Variants in LMTK3 observed in about 807,000 individuals in gnomAD.
The protein encoded by LMTK3 is lemur tail kinase 3.
Under a neutral mutation model 116.7 loss-of-function variants are expected in LMTK3, and 27 were observed. That is an observed-to-expected ratio of 0.23 (90% CI 0.17 to 0.32). The LOEUF (loss-of-function observed/expected upper bound fraction) is 0.32, where lower values mean the gene tolerates loss of function less well. Ranked by LOEUF, LMTK3 falls within the 10% of genes least tolerant of loss-of-function variation. LMTK3 has a pLI of 1.00. For missense variants in LMTK3, 1,764 were observed against 2,068.5 expected (o/e 0.85, Z 2.86); for synonymous variants, 965 against 971.0 (o/e 0.99, Z 0.11).
In LMTK3 at chr19:48,494,119, G is replaced by T. The variant is rs1368648636; in HGVS notation, c.3677-10C>A. The T allele has an allele frequency of 1.7e-6, 2 of 1,195,126 alleles. No homozygotes were observed. The highest frequency in any genetic ancestry group is 4.2e-5 in the South Asian group (1 of 23,968). 74.0% of individuals were successfully genotyped at this position (1,195,126 alleles called of 1,614,324 possible). On this transcript the variant is annotated splice_polypyrimidine_tract_variant and intron_variant, in intron 11 of 14. Coordinates refer to ENST00000600059, the MANE Select transcript of LMTK3 (RefSeq NM_001388485.1). The surrounding 1 kb of genome is among the most constrained non-coding windows in gnomAD (Gnocchi z 4.0). ...AGCCGGGAGAGCCTGGCTGCGAGGG[G>T]AGAGACCTGGTGAGCCCCTGTCCCG...
In LMTK3 at chr19:48,498,002, G is replaced by A. The variant is rs1490952630; in HGVS notation, c.3067C>T (p.Pro1023Ser). The change falls in exon 11 of 15, where the codon CCT becomes TCT. Residue 1023 changes from proline to serine, a missense_variant. Pro to Ser is a moderately conservative substitution (Grantham distance 74, BLOSUM62 -1). Coordinates refer to ENST00000600059, the MANE Select transcript of LMTK3 (RefSeq NM_001388485.1). ...TCCCAGGGCCCTGGGGCTCTCCAAG[G>A]CCCAGTCTCTGGTGGCCTCTCCGTG... The part of the protein sequence containing the change: ...RNTERPPETG[P>S]WRAPGPWEKT... 6 of 1,611,500 alleles carry A rather than the reference G, an allele frequency of 3.7e-6. No homozygotes were observed. Among genetic ancestry groups the A allele is most frequent in the African/African-American group, 1.3e-5 (1 of 74,808 alleles).
intron 4 of LMTK3, 96 bp downstream of exon 4, chr19:48,509,341 G>T: frequency 8.6e-7 from 1 of 1,159,232 alleles, no homozygotes; most frequent in Non-Finnish European, 1.3e-6. Context: ...GGAGGCGAGG[G>T]ACAGATGAGA....
Position 48,498,821 on chromosome 19 carries a change from G to A in LMTK3, c.2248C>T (p.Pro750Ser), listed in dbSNP as rs992515122. The A allele has an allele frequency of 4.8e-6, 6 of 1,247,464 alleles. No individual in the cohort carries two copies. The African/African-American group carries it at 8.1e-5, about 17-fold the overall frequency. The allele number at this position is 1,247,464 out of a possible 1,614,324, so 77.3% of individuals were successfully genotyped here. The change falls in exon 11 of 15, where the codon CCT becomes TCT. Residue 750 changes from proline to serine, a missense_variant. Physicochemically the swap from Pro to Ser is moderately conservative, Grantham distance 74 (BLOSUM62 -1). This residue lies in a region of LMTK3 where 1,028 missense variants were observed against 1,050.6 expected (regional missense o/e 0.98). Transcript: ENST00000600059. ...AAPQYPGRGP[P>S]PAPPPPPPPP... is the part of the protein sequence containing the mutation. ...GGCGGCGGGGGGGGGGGAGCGGGAG[G>A]TGGCCCCCGCCCGGGGTACTGGGGC...
chr19:48,493,632 G>T (rs1368366785), intron 12 of LMTK3, 62 bp downstream of exon 12: 5 of 1,491,122 alleles, frequency 3.4e-6, no homozygotes, highest in Non-Finnish European at 3.6e-6. Context: ...GCCCTTCCCG[G>T]CTCTAGGCTC....
Position 48,511,514 on chromosome 19 carries a change from G to T in LMTK3, c.63C>A (p.Ser21=). 1 of 1,399,094 alleles carries T rather than the reference G, an allele frequency of 7.1e-7. No individual in the cohort carries two copies. The highest frequency in any genetic ancestry group is 9.4e-7 in the Non-Finnish European group (1 of 1,064,340). 86.7% of individuals were successfully genotyped at this position (1,399,094 alleles called of 1,614,324 possible). The stretch of plus-strand genomic sequence containing the variant: ...CGACAGACTCACCGGGGTGGGCCGG[G>T]GACGCCAGGCAGCCGGAGGCGGAGA... The part of the protein sequence containing the change: ...AAVSASGCLA[S]PAHPDGFALG... Residue 21 remains serine, a synonymous_variant, in exon 1 of 15, where the codon TCC becomes TCA. Coordinates refer to ENST00000600059, the MANE Select transcript of LMTK3 (RefSeq NM_001388485.1).
intron 3 of LMTK3, among the ~76,000 whole-genome samples, chr19:48,509,788 A>G (rs1208087807): frequency 6.6e-6 from 1 of 151,926 alleles, no homozygotes; most frequent in Non-Finnish European, 1.5e-5. Flanking sequence ...TAATCTCACC[A>G]CCGCTTGCCC....
chr19:48,503,937 A>G (rs548943412), intron 5 of LMTK3, among the ~76,000 whole-genome samples: 2 of 150,366 alleles, frequency 1.3e-5, no homozygotes, highest in Admixed American at 6.7e-5. Context: ...GAGTGATCTC[A>G]GCTCACTGCA....
rs1245186289 is a variant in LMTK3 at position 48,491,451 on chromosome 19, TG to T, written c.4180del (p.His1394ThrfsTer90). 7.2e-7 allele frequency: 1 copy of T among 1,396,790 alleles called. No homozygotes were observed. The highest frequency in any genetic ancestry group is 9.3e-7 in the Non-Finnish European group (1 of 1,073,374). 86.5% of individuals were successfully genotyped at this position (1,396,790 alleles called of 1,614,324 possible). ...STPPAPPTPP[H>X]PATPGDGFPS... is the part of the protein sequence containing the mutation. Reference sequence around the variant, plus strand: ...AAACCCATCTCCGGGGGTGGCGGGGTGGGGAGGTGTCGGGGGCGCTGGAGGC... The same window carrying T: ...AAACCCATCTCCGGGGGTGGCGGGGTGGGAGGTGTCGGGGGCGCTGGAGGC... On this transcript the variant is annotated frameshift_variant, in exon 13 of 15. Coordinates refer to ENST00000600059, the MANE Select transcript of LMTK3 (RefSeq NM_001388485.1). LOFTEE classifies it high-confidence loss of function. This position sits in a 1 kb window ranked among gnomAD's most constrained non-coding sequence, Gnocchi z 5.1.
At chr19:48,504,276 C>A (rs1009376145) in intron 5 of LMTK3, among the ~76,000 whole-genome samples, 3 of 152,204 alleles carry the variant, frequency 2.0e-5, no homozygotes, top group Admixed American at 6.5e-5. Flanking sequence ...TGCTGCCCCC[C>A]CAATGCCAGG....
rs1569104920 is a variant in LMTK3 at position 48,501,271 on chromosome 19, C to T, written c.1001+12G>A. 2 of 1,612,870 alleles carry T rather than the reference C, an allele frequency of 1.2e-6. No individual in the cohort carries two copies. The highest frequency in any genetic ancestry group is 2.2e-5 in the East Asian group (1 of 44,848). ...CTGGCCTGCCTCGGCCCCCGCGGCCCGTGGTCCTCACCAGATGTTGCTCTC... is the reference window on the plus strand; with the variant it reads ...CTGGCCTGCCTCGGCCCCCGCGGCCTGTGGTCCTCACCAGATGTTGCTCTC... On this transcript the variant is annotated intron_variant, in intron 9 of 14. Transcript: ENST00000600059.
Position 48,510,492 on chromosome 19 carries a change from A to G in LMTK3, c.177T>C (p.Cys59=), listed in dbSNP as rs1235602859. ...LLAFIFLLLT[C]LCCKRGDVGF... is the part of the protein sequence containing the mutation. ...CGACATCGCCCCGTTTGCAGCACAGACAGGTGAGGAGGAGGAAGATGAAGG... is the reference window on the plus strand; with the variant it reads ...CGACATCGCCCCGTTTGCAGCACAGGCAGGTGAGGAGGAGGAAGATGAAGG... The change falls in exon 2 of 15, where the codon TGT becomes TGC. Residue 59 remains cysteine, a synonymous_variant. Transcript: ENST00000600059. 2 of 1,597,358 alleles carry G rather than the reference A, an allele frequency of 1.3e-6. No homozygotes were observed. Among genetic ancestry groups the G allele is most frequent in the South Asian group, 2.3e-5 (2 of 87,976 alleles).
At chr19:48,507,522 A>C (rs1972590879) in intron 5 of LMTK3, among the ~76,000 whole-genome samples, 1 of 152,242 alleles carries the variant, frequency 6.6e-6, no homozygotes, top group Admixed American at 6.5e-5. Flanking sequence ...CACTGGCCAC[A>C]GGTGGCTATT....
In LMTK3 at chr19:48,493,929, T is replaced by TCCTCGTCCTCGTCCTCGTCCTCCC. The variant is rs1456042535; in HGVS notation, c.3833_3856dup (p.Gly1278_Glu1285dup). 1 of 1,029,002 alleles carries TCCTCGTCCTCGTCCTCGTCCTCCC rather than the reference T, an allele frequency of 9.7e-7. No individual in the cohort carries two copies. Among genetic ancestry groups the TCCTCGTCCTCGTCCTCGTCCTCCC allele is most frequent in the Non-Finnish European group, 1.2e-6 (1 of 862,060 alleles). The allele number at this position is 1,029,002 out of a possible 1,614,324, so 63.7% of individuals were successfully genotyped here. ...CGGCGCCGCCGCCTCCTCGTCCTCCTCCTCGTCCTCGTCCTCGTCCTCCCC... is the reference window on the plus strand; with the variant it reads ...CGGCGCCGCCGCCTCCTCGTCCTCCTCCTCGTCCTCGTCCTCGTCCTCCCCCTCGTCCTCGTCCTCGTCCTCCCC... On this transcript the variant is annotated inframe_insertion, in exon 12 of 15. Coordinates refer to ENST00000600059, the MANE Select transcript of LMTK3 (RefSeq NM_001388485.1).
In LMTK3 at chr19:48,491,488, C is replaced by T; in HGVS notation, c.4144G>A (p.Asp1382Asn). 1 of 1,410,382 alleles carries T rather than the reference C, an allele frequency of 7.1e-7. No homozygotes were observed. The highest frequency in any genetic ancestry group is 9.3e-7 in the Non-Finnish European group (1 of 1,081,000). 87.4% of individuals were successfully genotyped at this position (1,410,382 alleles called of 1,614,324 possible). A position where few individuals can be genotyped will look rare whatever the true frequency, so the allele number is the denominator to read the frequency against. Residue 1382 changes from aspartate (D) to asparagine (N), a missense_variant, in exon 13 of 15, where the codon GAC becomes AAC. Transcript: ENST00000600059. This position sits in a 1 kb window ranked among gnomAD's most constrained non-coding sequence, Gnocchi z 5.1. ...GGGGGCGCTGGAGGCGTTGACGGGT[C>T]CGTGTCCCCCTCGGGGGGGGCCTGG... ...SVQAPPEGDT[D>N]PSTPPAPPTP...
chr19:48,495,015 G>GT (rs760344922), intron 11 of LMTK3, among the ~76,000 whole-genome samples: 5,884 of 144,064 alleles, frequency 0.041, 368 homozygotes, highest in African/African-American at 0.14. Context: ...TGTTTTTTTT[G>GT]TTTTTTTTTT....
At chr19:48,503,338 G>A (rs893651143) in intron 5 of LMTK3, among the ~76,000 whole-genome samples, 7 of 152,008 alleles carry the variant, frequency 4.6e-5, no homozygotes, top group African/African-American at 1.7e-4. Flanking sequence ...GTGAACCACC[G>A]CACCCGGCCC....
rs1972637364 is a variant in LMTK3, at chr19:48,510,453, C to CCTCA, written c.210+2_210+5dup. On this transcript the variant is annotated splice_donor_region_variant and intron_variant, in intron 2 of 14. Transcript: ENST00000600059. ...TCCCCAAGTTGAATCCCCTCATGCACCTCACCTTGAAGCCGACATCGCCCC... is the reference window on the plus strand; with the variant it reads ...TCCCCAAGTTGAATCCCCTCATGCACCTCACTCACCTTGAAGCCGACATCGCCCC... The CCTCA allele has an allele frequency of 6.3e-7, 1 of 1,593,388 alleles. No individual in the cohort carries two copies. Among genetic ancestry groups the CCTCA allele is most frequent in the African/African-American group, 1.3e-5 (1 of 74,390 alleles).
Position 48,491,561 on chromosome 19 carries a change from A to G in LMTK3, c.4093-22T>C. ...TCTCCTGTGAAGGCAGATTAGGGGGAAGCCAGAGGGGACAAACCTTCACGT... is the reference window on the plus strand; with the variant it reads ...TCTCCTGTGAAGGCAGATTAGGGGGGAGCCAGAGGGGACAAACCTTCACGT... On this transcript the variant is annotated intron_variant, in intron 12 of 14. Coordinates refer to ENST00000600059, the MANE Select transcript of LMTK3 (RefSeq NM_001388485.1). The surrounding 1 kb of genome is among the most constrained non-coding windows in gnomAD (Gnocchi z 5.1). 1 of 1,342,462 alleles carries G rather than the reference A, an allele frequency of 7.4e-7. No individual in the cohort carries two copies. The highest frequency in any genetic ancestry group is 9.6e-7 in the Non-Finnish European group (1 of 1,038,802). 83.2% of individuals were successfully genotyped at this position (1,342,462 alleles called of 1,614,324 possible).
At chr19:48,503,512 C>T (rs1027845849) in intron 5 of LMTK3, among the ~76,000 whole-genome samples, 1 of 152,028 alleles carries the variant, frequency 6.6e-6, no homozygotes, top group Non-Finnish European at 1.5e-5. Flanking sequence ...TACACCTCAC[C>T]TCCACCTTCA....
Sources: gnomAD v4.1 joint callset for allele counts (sites outside exome capture counted in the v4.1 genomes callset) on GRCh38, gnomAD v4.1.1 for gene constraint, gnomAD v4.1.1 regional missense constraint, Gnocchi (gnomAD v3.1) non-coding constraint, MANE v1.5 for transcripts, NCBI Gene and HGNC (gene_info 2026-07-23, HGNC 2026-07-21) for gene names.